The following SGK3 variants were observed in gnomAD, a reference collection of about 807,000 sequenced individuals.
The protein encoded by SGK3 is serum/glucocorticoid regulated kinase family member 3.
SGK3 carries 47 observed loss-of-function variants against 68.5 expected under a neutral mutation model. The observed-to-expected ratio is 0.69, with a 90% CI of 0.54 to 0.87. The LOEUF is 0.87. Among genes scored for constraint, SGK3 ranks in the 40% least tolerant of loss-of-function variants. The pLI, the probability that SGK3 is intolerant of heterozygous loss-of-function variation, is 0.00. For synonymous variants in SGK3, 181 were observed against 189.1 expected (o/e 0.96, Z 0.35); for missense variants, 479 against 575.5 (o/e 0.83, Z 1.72).
intron 1 of SGK3, among the ~76,000 whole-genome samples, chr8:66,779,601 T>A (rs2060048): frequency 0.038 from 3,953 of 103,950 alleles, 99 homozygotes; most frequent in African/African-American, 0.096. Context: ...TATATATATA[T>A]AAAACACATT....
rs1554593824 is a variant in SGK3, at chr8:66,744,531, T to TTGTTTTG, written c.-122+31699_-122+31700insGTTTTGT. On this transcript the variant is annotated intron_variant, in intron 1 of 16. Transcript: ENST00000521198. ...TATATATATATATATTTTTTTTTTTTTTTTTTTTTTTTTTAGATGGAGTCT... is the reference window on the plus strand; with the variant it reads ...TATATATATATATATTTTTTTTTTTTTGTTTTGTTTTTTTTTTTTTTAGATGGAGTCT... Among the ~76,000 whole-genome samples, 18 of 107,676 alleles carry TTGTTTTG rather than the reference T, an allele frequency of 1.7e-4. 2 individuals are homozygous for TTGTTTTG. Among genetic ancestry groups the TTGTTTTG allele is most frequent in the African/African-American group, 6.5e-4 (17 of 26,234 alleles). The allele number at this position is 107,676 out of a possible 152,430, so 70.6% of individuals were successfully genotyped here.
intron 1 of SGK3, among the ~76,000 whole-genome samples, chr8:66,792,864 G>C (rs1460127270): frequency 1.3e-5 from 2 of 152,166 alleles, no homozygotes; most frequent in African/African-American, 2.4e-5. Context: ...GATTGCACCT[G>C]TGAATAGCCA....
At position 66,771,938 on chromosome 8, in the gene SGK3, A is replaced by C. The variant is rs116150715; in HGVS notation, c.-121-21678A>C. On this transcript the variant is annotated intron_variant, in intron 1 of 16. Coordinates refer to ENST00000521198, the MANE Select transcript of SGK3 (RefSeq NM_001033578.3). ...CATTTTTATGAATCAGTCATATGTA[A>C]CTGCCAGTCAAAGCATTTGGTTATC... 9.5e-3 allele frequency among the ~76,000 whole-genome samples: 1,428 copies of C among 150,794 alleles called. 19 individuals are homozygous for C. The highest frequency in any genetic ancestry group is 0.033 in the African/African-American group (1,332 of 40,964).
intron 4 of SGK3, among the ~76,000 whole-genome samples, chr8:66,811,873 G>C (rs955549658): frequency 6.6e-6 from 1 of 152,148 alleles, no homozygotes; most frequent in Non-Finnish European, 1.5e-5. Flanking sequence ...AGTTTTTAAT[G>C]TAAACTTCAC....
intron 1 of SGK3, among the ~76,000 whole-genome samples, chr8:66,776,958 C>T (rs1806737166): frequency 6.6e-6 from 1 of 152,200 alleles, no homozygotes; most frequent in South Asian, 2.1e-4. Flanking sequence ...AACAAATTGA[C>T]CTACTAGGCA....
chr8:66,796,473 A>T (rs979700741), intron 2 of SGK3, among the ~76,000 whole-genome samples: 2 of 149,920 alleles, frequency 1.3e-5, no homozygotes, highest in Non-Finnish European at 1.5e-5. Context: ...CCTGAATTTA[A>T]ATTTAATAGA....
chr8:66,743,668 A>G (rs1208283678), intron 1 of SGK3, among the ~76,000 whole-genome samples: 2 of 152,210 alleles, frequency 1.3e-5, no homozygotes, highest in African/African-American at 4.8e-5. Context: ...ATTACAGGCA[A>G]GTGCCACCAT....
At chr8:66,815,783 G>A (rs1251894043) in intron 5 of SGK3, among the ~76,000 whole-genome samples, 1 of 152,046 alleles carries the variant, frequency 6.6e-6, no homozygotes. Flanking sequence ...ATCTTGATGT[G>A]CAGTATTATA....
At chr8:66,737,382 A>G (rs1805351752) in intron 1 of SGK3, 1 of 152,050 alleles carries the variant, frequency 6.6e-6, no homozygotes, top group African/African-American at 2.4e-5. Context: ...GAGAAGCAAT[A>G]AGGAAGAGTT....
chr8:66,838,675 A>T (rs1809641437), intron 10 of SGK3, among the ~76,000 whole-genome samples: 1 of 152,158 alleles, frequency 6.6e-6, no homozygotes, highest in Admixed American at 6.6e-5. Context: ...TTGTCATCTG[A>T]AAGATGCAAG....
Position 66,723,115 on chromosome 8 carries a change from ATATATATATATATATATTT to A in SGK3, c.-122+10284_-122+10302del, listed in dbSNP as rs1205768114. The stretch of plus-strand genomic sequence containing the variant: ...CATATATATATATATATATATATAT[ATATATATATATATATATTT>A]TTTTTTTTTTTTTTTTTTGTAAAAG... On this transcript the variant is annotated intron_variant, in intron 1 of 16. Transcript: ENST00000521198. Among the ~76,000 whole-genome samples the A allele has an allele frequency of 1.1e-3, 54 of 48,744 alleles. 1 individual carries two copies. Among genetic ancestry groups the A allele is most frequent in the African/African-American group, 2.8e-3 (32 of 11,268 alleles). The allele number at this position is 48,744 out of a possible 152,430, so 32.0% of individuals were successfully genotyped here.
intron 16 of SGK3, among the ~76,000 whole-genome samples, chr8:66,858,716 A>G (rs1028526423): frequency 6.6e-6 from 1 of 152,182 alleles, no homozygotes; most frequent in Non-Finnish European, 1.5e-5. Flanking sequence ...CATGAGGCAC[A>G]GGATGGTTTT....
intron 6 of SGK3, among the ~76,000 whole-genome samples, chr8:66,825,545 G>A (rs772347381): frequency 1.3e-5 from 2 of 151,940 alleles, no homozygotes; most frequent in Non-Finnish European, 1.5e-5. Flanking sequence ...TAACCAGGAT[G>A]GTCTCCATCT....
intron 1 of SGK3, among the ~76,000 whole-genome samples, chr8:66,750,884 A>G (rs960090788): frequency 9.9e-5 from 15 of 150,766 alleles, no homozygotes; most frequent in African/African-American, 2.4e-4. Context: ...TGGTGCACCT[A>G]TAGTCTCAAC....
intron 1 of SGK3, among the ~76,000 whole-genome samples, chr8:66,738,998 T>A (rs1210271785): frequency 6.6e-6 from 1 of 152,186 alleles, no homozygotes; most frequent in Non-Finnish European, 1.5e-5. Context: ...CTCCCAAAAC[T>A]GAAATGCTTG....
chr8:66,733,825 C>T (rs1319220791), intron 1 of SGK3, among the ~76,000 whole-genome samples: 1 of 152,082 alleles, frequency 6.6e-6, no homozygotes, highest in Admixed American at 6.6e-5. Flanking sequence ...GAATAAGATT[C>T]TTTATAGCAT....
chr8:66,779,424 T>C (rs914938914), intron 1 of SGK3, among the ~76,000 whole-genome samples: 3 of 151,594 alleles, frequency 2.0e-5, no homozygotes, highest in African/African-American at 7.3e-5. Context: ...GGGCATACAT[T>C]AACTTATTTT....
At chr8:66,785,735 G>A (rs773120680) in intron 1 of SGK3, among the ~76,000 whole-genome samples, 4 of 152,124 alleles carry the variant, frequency 2.6e-5, no homozygotes, top group Admixed American at 6.6e-5. Flanking sequence ...AAGTGTTGCC[G>A]TCATCTGACC....
At chr8:66,838,864 C>T (rs986802294) in intron 10 of SGK3, among the ~76,000 whole-genome samples, 3 of 152,026 alleles carry the variant, frequency 2.0e-5, no homozygotes, top group Non-Finnish European at 2.9e-5. Flanking sequence ...CTTTGACATA[C>T]GAATACTTAG....
Sources: gnomAD v4.1 joint callset for allele counts (sites outside exome capture counted in the v4.1 genomes callset) on GRCh38, gnomAD v4.1.1 for gene constraint, MANE v1.5 for transcripts, NCBI Gene and HGNC (gene_info 2026-07-23, HGNC 2026-07-21) for gene names.